ERGIC1: variants seen among roughly 807,000 people sequenced by gnomAD.
The protein encoded by ERGIC1 is endoplasmic reticulum-Golgi intermediate compartment protein 1.
In ERGIC1, 19 loss-of-function variants were observed where a neutral mutation model predicts 38.3. The ratio of observed to expected loss-of-function variants is 0.50; its 90% CI spans 0.35 to 0.73. The LOEUF (loss-of-function observed/expected upper bound fraction) is 0.73. Among genes scored for constraint, ERGIC1 ranks in the 30% least tolerant of loss-of-function variants. The pLI is 0.01. For missense variants in ERGIC1, 294 were observed against 389.2 expected (o/e 0.76, Z 2.06); for synonymous variants, 124 against 157.6 (o/e 0.79, Z 1.60).
intron 3 of ERGIC1, among the ~76,000 whole-genome samples, chr5:172,903,085 C>A (rs951695459): frequency 5.3e-5 from 8 of 152,042 alleles, no homozygotes; most frequent in African/African-American, 1.9e-4. Context: ...TCTGGCGTCC[C>A]CCACCTGGAA....
chr5:172,935,481 T>C (rs1252384642), intron 9 of ERGIC1, 171 bp downstream of exon 9: 1 of 792,030 alleles, frequency 1.3e-6, no homozygotes, highest in African/African-American at 1.7e-5. Flanking sequence ...CTGAGAAATG[T>C]TGTCAGAAAC....
Position 172,910,399 on chromosome 5 carries a change from G to A in ERGIC1, c.250+638G>A, listed in dbSNP as rs1019989586. Among the ~76,000 whole-genome samples, 6 of 152,260 alleles carry A rather than the reference G, an allele frequency of 3.9e-5. No individual in the cohort carries two copies. The East Asian group carries it at 5.8e-4, about 15-fold the overall frequency. ...AGCTGACACCTAGAGAAGCTGGAGC[G>A]GTCCACCATCCATGAGAGAGTGCAG... On this transcript the variant is annotated intron_variant, in intron 4 of 9. Coordinates refer to ENST00000393784, the MANE Select transcript of ERGIC1 (RefSeq NM_001031711.3).
intron 1 of ERGIC1, among the ~76,000 whole-genome samples, chr5:172,881,856 A>T (rs1288874399): frequency 6.6e-6 from 1 of 152,236 alleles, no homozygotes; most frequent in African/African-American, 2.4e-5. Context: ...GCCCTAGTAT[A>T]TAGCAGGTTT....
chr5:172,903,968 T>TACACACAC (rs70984919), intron 3 of ERGIC1, among the ~76,000 whole-genome samples: 10,648 of 150,308 alleles, frequency 0.071, 380 homozygotes, highest in South Asian at 0.12. Context: ...GTCTCACACA[T>TACACACAC]ACACACACAC....
At chr5:172,893,808 C>G (rs920995651) in intron 2 of ERGIC1, among the ~76,000 whole-genome samples, 23 of 143,586 alleles carry the variant, frequency 1.6e-4, no homozygotes, top group African/African-American at 5.3e-4. Flanking sequence ...ACATAGATTG[C>G]TGAGTGAGCA....
intron 1 of ERGIC1, among the ~76,000 whole-genome samples, chr5:172,884,821 A>T (rs62387378): frequency 0.014 from 2,160 of 152,320 alleles, 30 homozygotes; most frequent in Non-Finnish European, 0.018. Flanking sequence ...TATGATACGT[A>T]TATATACATG....
At chr5:172,935,141 C>A (rs369647590) in intron 8 of ERGIC1, 47 bp from the exon 9 acceptor site, 25 of 1,612,938 alleles carry the variant, frequency 1.5e-5, no homozygotes, top group Admixed American at 1.0e-4. Flanking sequence ...TCCCCGCCCC[C>A]CCTGAGACAC....
chr5:172,908,863 G>A (rs1763127172), intron 3 of ERGIC1, among the ~76,000 whole-genome samples: 2 of 152,170 alleles, frequency 1.3e-5, no homozygotes, highest in Non-Finnish European at 1.5e-5. Context: ...CCTACGGATG[G>A]GCATCAGGGA....
At position 172,914,245 on chromosome 5, in the gene ERGIC1, A is replaced by AT. The variant is rs1335818817; in HGVS notation, c.251-469_251-468insT. ...GCAAGACTCTGTCTCAAAAAAAAAA[A>AT]AAAAAAAAAAAATACAAAGACTATC... On this transcript the variant is annotated intron_variant, in intron 4 of 9. Transcript: ENST00000393784. 3.8e-3 allele frequency among the ~76,000 whole-genome samples: 536 copies of AT among 141,578 alleles called. 6 individuals carry two copies. Among genetic ancestry groups the AT allele is most frequent in the African/African-American group, 0.014 (504 of 35,286 alleles). The allele number at this position is 141,578 out of a possible 152,430, so 92.9% of individuals were successfully genotyped here. A position where few individuals can be genotyped will look rare whatever the true frequency, so the allele number is the denominator to read the frequency against.
intron 1 of ERGIC1, among the ~76,000 whole-genome samples, chr5:172,871,161 C>T (rs974480296): frequency 2.0e-5 from 3 of 152,200 alleles, no homozygotes; most frequent in East Asian, 1.9e-4. Flanking sequence ...CAGAGGTCCC[C>T]GTGGGGGCAC....
chr5:172,943,396 C>T (rs1764053287), intron 9 of ERGIC1, among the ~76,000 whole-genome samples: 1 of 151,672 alleles, frequency 6.6e-6, no homozygotes, highest in African/African-American at 2.4e-5. Context: ...CCCGACTACA[C>T]CCCCCACCTC....
intron 3 of ERGIC1, among the ~76,000 whole-genome samples, chr5:172,909,016 G>A (rs1302036373): frequency 6.6e-6 from 1 of 152,040 alleles, no homozygotes; most frequent in Non-Finnish European, 1.5e-5. Context: ...CGTAGTGGGT[G>A]GTGTTATCCC....
chr5:172,882,374 G>A (rs1762305601), intron 1 of ERGIC1, among the ~76,000 whole-genome samples: 1 of 152,176 alleles, frequency 6.6e-6, no homozygotes, highest in African/African-American at 2.4e-5. Context: ...TCTTCCAGGT[G>A]ACTCTCATCT....
chr5:172,921,893 G>A (rs1763529482), intron 5 of ERGIC1, among the ~76,000 whole-genome samples: 1 of 152,202 alleles, frequency 6.6e-6, no homozygotes, highest in African/African-American at 2.4e-5. Flanking sequence ...CCTTAACACA[G>A]GATGTCCTTC....
At chr5:172,941,972 C>T (rs373325670) in intron 9 of ERGIC1, among the ~76,000 whole-genome samples, 19 of 152,174 alleles carry the variant, frequency 1.2e-4, no homozygotes, top group African/African-American at 4.1e-4. Context: ...TTTGGGAGGC[C>T]GAGGTGGGCG....
intron 2 of ERGIC1, among the ~76,000 whole-genome samples, chr5:172,892,529 C>A (rs751112068): frequency 7.0e-4 from 107 of 152,130 alleles, no homozygotes; most frequent in Admixed American, 8.5e-4. Flanking sequence ...TCCAGTGCCC[C>A]CTTTGGCTGG....
At chr5:172,945,391 ACT>A (rs1561746800) in intron 9 of ERGIC1, among the ~76,000 whole-genome samples, 3 of 152,058 alleles carry the variant, frequency 2.0e-5, no homozygotes, top group Admixed American at 1.3e-4. Context: ...GTGCTGGGAC[ACT>A]CTTGCGGTCC....
In ERGIC1 at chr5:172,895,702, G is replaced by C. The variant is rs370383998; in HGVS notation, c.83-1300G>C. ...AGTAGGGGAAGCTTCCCATCAAAAG[G>C]GACATGTGAGTCGGGCCTGGGAGGA... On this transcript the variant is annotated intron_variant, in intron 2 of 9. Transcript: ENST00000393784. 1.4e-4 allele frequency among the ~76,000 whole-genome samples: 21 copies of C among 152,142 alleles called. No homozygotes were observed. In the East Asian group the frequency reaches 3.7e-3, roughly 27 times the overall value.
chr5:172,845,048 G>GGA (rs1761253529), intron 1 of ERGIC1, among the ~76,000 whole-genome samples: 2 of 140,792 alleles, frequency 1.4e-5, no homozygotes, highest in Non-Finnish European at 3.2e-5. Flanking sequence ...GTATATAGGG[G>GGA]GGACAGGACT....
Sources: allele counts gnomAD v4.1 joint callset (sites outside exome capture counted in the v4.1 genomes callset), GRCh38; gene constraint gnomAD v4.1.1; transcripts MANE v1.5; gene names NCBI Gene and HGNC (gene_info 2026-07-23, HGNC 2026-07-21).